Variants in GRHL3 observed in about 807,000 individuals in gnomAD.
The protein encoded by GRHL3 is grainyhead-like protein 3 homolog.
Under a neutral mutation model 70.3 loss-of-function variants are expected in GRHL3, and 20 were observed. The ratio of observed to expected loss-of-function variants is 0.28; its 90% CI spans 0.20 to 0.41. The LOEUF is 0.41. Among genes scored for constraint, GRHL3 ranks in the 10% least tolerant of loss-of-function variants. The pLI is 1.00. For missense variants in GRHL3, 637 were observed against 762.3 expected (o/e 0.84, Z 1.94); for synonymous variants, 299 against 299.9 (o/e 1.00, Z 0.03).
chr1:24,325,618 C>T (rs958623325), intron 1 of GRHL3, among the ~76,000 whole-genome samples: 25 of 152,318 alleles, frequency 1.6e-4, no homozygotes, highest in Admixed American at 1.3e-3. Context: ...TTTCACCATC[C>T]TGGTGCCCAG....
downstream of GRHL3, chr1:24,357,394 G>A (rs963915632): frequency 1.3e-5 from 2 of 152,394 alleles, no homozygotes; most frequent in African/African-American, 4.8e-5. Flanking sequence ...GCTGGAAGGT[G>A]GCGCTTCTCA....
intron 1 of GRHL3, among the ~76,000 whole-genome samples, chr1:24,329,834 C>A (rs1036740537): frequency 6.6e-6 from 1 of 152,172 alleles, no homozygotes; most frequent in Non-Finnish European, 1.5e-5. Flanking sequence ...ATAGCCTGGA[C>A]CACCCCATCT....
downstream of GRHL3, among the ~76,000 whole-genome samples, chr1:24,360,057 G>A (rs1035935736): frequency 3.3e-5 from 5 of 152,292 alleles, no homozygotes; most frequent in South Asian, 2.1e-4. Flanking sequence ...CCACGAACTC[G>A]CTGCGGACCT....
chr1:24,358,401 G>C, downstream of GRHL3: 2 of 769,484 alleles, frequency 2.6e-6, no homozygotes, highest in Non-Finnish European at 4.7e-6. Context: ...AGTCCGGCTA[G>C]GATGCCAGGC....
Position 24,354,541 on chromosome 1 carries a change from G to C in GRHL3, c.*53G>C. The C allele has an allele frequency of 1.7e-6, 2 of 1,144,930 alleles. No homozygotes were observed. The highest frequency in any genetic ancestry group is 4.7e-5 in the East Asian group (2 of 42,358). The allele number at this position is 1,144,930 out of a possible 1,614,324, so 70.9% of individuals were successfully genotyped here. A position where few individuals can be genotyped will look rare whatever the true frequency, so the allele number is the denominator to read the frequency against. ...ACCTGCAAGGGGCCAGCAGGGACGTGGCCCCACGCCACACACAACCTCTCC... is the reference window on the plus strand; with the variant it reads ...ACCTGCAAGGGGCCAGCAGGGACGTCGCCCCACGCCACACACAACCTCTCC... On this transcript the variant is annotated 3_prime_UTR_variant, in exon 16 of 16. Coordinates refer to ENST00000361548, the MANE Select transcript of GRHL3 (RefSeq NM_198173.3).
chr1:24,349,609 G>A (rs990695998), intron 14 of GRHL3, among the ~76,000 whole-genome samples: 1 of 152,194 alleles, frequency 6.6e-6, no homozygotes, highest in Non-Finnish European at 1.5e-5. Flanking sequence ...TAGCTTGCAC[G>A]AGGCCAGCCA....
At position 24,348,765 on chromosome 1, in the gene GRHL3, G is replaced by GTCACA. The variant is rs113617046; in HGVS notation, c.1629+1216_1629+1220dup. Among the ~76,000 whole-genome samples, 1,327 of 152,308 alleles carry GTCACA rather than the reference G, an allele frequency of 8.7e-3. 17 individuals carry two copies. Among genetic ancestry groups the GTCACA allele is most frequent in the African/African-American group, 0.029 (1,186 of 41,546 alleles). On this transcript the variant is annotated intron_variant, in intron 14 of 15. Coordinates refer to ENST00000361548, the MANE Select transcript of GRHL3 (RefSeq NM_198173.3). ...GAGATCTTCTTCCTGGTAGCTTTCA[G>GTCACA]TCACATCATCATTAAAAGAAATAGT...
At chr1:24,344,485 GAAAAAAAAAAAAAAA>G (rs57193515) in intron 11 of GRHL3, among the ~76,000 whole-genome samples, 2 of 55,794 alleles carry the variant, frequency 3.6e-5, no homozygotes, top group African/African-American at 6.5e-5. Flanking sequence ...TTTCCCCCCA[GAAAAAAAAAAAAAAA>G]AAAAAAAAAA....
intron 15 of GRHL3, among the ~76,000 whole-genome samples, chr1:24,350,945 AGAGCTAGT>A (rs1286359802): frequency 2.0e-5 from 3 of 152,224 alleles, no homozygotes; most frequent in African/African-American, 7.2e-5. Context: ...TCCCCTGGTC[AGAGCTAGT>A]GAGCCTGTCC....
chr1:24,357,749 A>T (rs193285401), downstream of GRHL3: 139 of 180,880 alleles, frequency 7.7e-4, no homozygotes, highest in African/African-American at 2.9e-3. Context: ...ACTAGGGCAC[A>T]TTTCTTTTTC....
chr1:24,326,550 G>C (rs1364172826), intron 1 of GRHL3, among the ~76,000 whole-genome samples: 1 of 152,190 alleles, frequency 6.6e-6, no homozygotes, highest in Admixed American at 6.5e-5. Context: ...TTGTGGTCAT[G>C]TAGGTCTTAC....
downstream of GRHL3, chr1:24,358,264 C>A (rs757435376): frequency 1.6e-6 from 1 of 633,546 alleles, no homozygotes. Context: ...TGGATGGGTG[C>A]GTGGGGAAGC....
intron 14 of GRHL3, 141 bp from the exon 15 acceptor site, chr1:24,349,917 G>C: frequency 1.6e-6 from 1 of 622,888 alleles, no homozygotes; most frequent in East Asian, 2.8e-5. Context: ...ATAGATGATT[G>C]TAATTTTCTT....
rs533739986 is a variant in GRHL3, at chr1:24,322,273, G to A, written c.17+2705G>A. Among the ~76,000 whole-genome samples, 3 of 152,242 alleles carry A rather than the reference G, an allele frequency of 2.0e-5. No homozygotes were observed. The East Asian group carries it at 5.8e-4, about 30-fold the overall frequency. On this transcript the variant is annotated intron_variant, in intron 1 of 15. Coordinates refer to ENST00000361548, the MANE Select transcript of GRHL3 (RefSeq NM_198173.3). This position sits in a 1 kb window ranked among gnomAD's most constrained non-coding sequence, Gnocchi z 4.4. ...TGGAGTCTCCCCTCAGCCTCGCAGA[G>A]ACGCGACTCGGTTGGGGGAAGGGGA...
At chr1:24,351,660 G>T (rs1230415378) in intron 15 of GRHL3, among the ~76,000 whole-genome samples, 2 of 138,462 alleles carry the variant, frequency 1.4e-5, no homozygotes, top group East Asian at 2.1e-4. Flanking sequence ...CTGTGTGATT[G>T]CATGGGGGGG....
At chr1:24,320,626 G>C (rs1288568003) in intron 1 of GRHL3, among the ~76,000 whole-genome samples, 1 of 152,246 alleles carries the variant, frequency 6.6e-6, no homozygotes, top group East Asian at 1.9e-4. Flanking sequence ...AGAACTTGAA[G>C]ATCTGTGGGC....
At chr1:24,332,983 A>G (rs1471202228) in intron 2 of GRHL3, among the ~76,000 whole-genome samples, 1 of 152,180 alleles carries the variant, frequency 6.6e-6, no homozygotes, top group Non-Finnish European at 1.5e-5. Flanking sequence ...GCTTGGGGCC[A>G]TGGTAGGAGC....
chr1:24,319,642 G>A, intron 1 of GRHL3, 74 bp downstream of exon 1: 3 of 1,612,234 alleles, frequency 1.9e-6, no homozygotes, highest in Non-Finnish European at 2.5e-6. Flanking sequence ...AGGGGGAAGA[G>A]CGGGGAGGCC....
At chr1:24,361,074 A>G (rs375637757) in intron 15 of GRHL3, 17 of 1,566,730 alleles carry the variant, frequency 1.1e-5, no homozygotes, top group Non-Finnish European at 1.3e-5. Context: ...AGATGTCACT[A>G]AGGCAGTCTA....
Sources: allele counts gnomAD v4.1 joint callset (sites outside exome capture counted in the v4.1 genomes callset), GRCh38; gene constraint gnomAD v4.1.1; non-coding constraint Gnocchi (gnomAD v3.1); transcripts MANE v1.5; gene names NCBI Gene and HGNC (gene_info 2026-07-23, HGNC 2026-07-21).